HS6ST3: variants seen among roughly 807,000 people sequenced by gnomAD.
HS6ST3 encodes heparan sulfate 6-O-sulfotransferase 3, also known as heparan-sulfate 6-O-sulfotransferase 3.
Under a neutral mutation model 36.7 loss-of-function variants are expected in HS6ST3, and 12 were observed. The ratio of observed to expected loss-of-function variants is 0.33; its 90% CI spans 0.21 to 0.53. The LOEUF is 0.53. HS6ST3 is among the 20% of genes least tolerant of loss of function. The probability of loss-of-function intolerance (pLI) is 0.95; values close to 1 mark genes in which losing one functional copy is unlikely to be tolerated. For missense variants in HS6ST3, 584 were observed against 640.9 expected (o/e 0.91, Z 0.96); for synonymous variants, 240 against 257.5 (o/e 0.93, Z 0.65).
At chr13:96,239,279 A>G (rs1002293572) in intron 1 of HS6ST3, among the ~76,000 whole-genome samples, 2 of 152,232 alleles carry the variant, frequency 1.3e-5, no homozygotes, top group Non-Finnish European at 2.9e-5. Flanking sequence ...TATGAAGGTT[A>G]ATTATTTACA....
chr13:96,198,917 A>G (rs1288340010), intron 1 of HS6ST3, among the ~76,000 whole-genome samples: 1 of 152,204 alleles, frequency 6.6e-6, no homozygotes, highest in Non-Finnish European at 1.5e-5. Context: ...TTACTGTATT[A>G]GTCTGTTTTC....
At chr13:96,789,113 T>G (rs1252539514) in intron 1 of HS6ST3, among the ~76,000 whole-genome samples, 2 of 151,862 alleles carry the variant, frequency 1.3e-5, no homozygotes, top group Non-Finnish European at 2.9e-5. Flanking sequence ...TGCTCTCTGC[T>G]AGATTACTTG....
chr13:96,471,284 A>G (rs9556603), intron 1 of HS6ST3, among the ~76,000 whole-genome samples: 23,917 of 152,030 alleles, frequency 0.16, 3,135 homozygotes, highest in African/African-American at 0.33. Flanking sequence ...GCTTCTTTCT[A>G]TGTTTTAGCC....
At chr13:96,343,805 C>T (rs549301797) in intron 1 of HS6ST3, among the ~76,000 whole-genome samples, 6 of 152,204 alleles carry the variant, frequency 3.9e-5, no homozygotes, top group East Asian at 1.9e-4. Context: ...TGCAATAGTG[C>T]GATCTTGGCT....
At chr13:96,672,903 G>A (rs767135296) in intron 1 of HS6ST3, among the ~76,000 whole-genome samples, 5 of 152,194 alleles carry the variant, frequency 3.3e-5, no homozygotes, top group African/African-American at 4.8e-5. Flanking sequence ...TATTCATTTC[G>A]TCTGGTTGTT....
chr13:96,559,267 C>T (rs191028215), intron 1 of HS6ST3, among the ~76,000 whole-genome samples: 3 of 152,036 alleles, frequency 2.0e-5, no homozygotes, highest in Non-Finnish European at 4.4e-5. Flanking sequence ...TAGACGCCCC[C>T]CCCACCACAC....
At chr13:96,175,131 T>G (rs1356750149) in intron 1 of HS6ST3, among the ~76,000 whole-genome samples, 1 of 152,226 alleles carries the variant, frequency 6.6e-6, no homozygotes, top group African/African-American at 2.4e-5. Context: ...ATACTCCCTT[T>G]TTTTGAAATC....
At chr13:96,324,833 A>G (rs2055022537) in intron 1 of HS6ST3, among the ~76,000 whole-genome samples, 1 of 152,218 alleles carries the variant, frequency 6.6e-6, no homozygotes, top group Admixed American at 6.5e-5. Context: ...TCCCAGAAGG[A>G]ACCAAGATAA....
intron 1 of HS6ST3, among the ~76,000 whole-genome samples, chr13:96,328,794 A>G (rs981575634): frequency 2.0e-4 from 31 of 152,220 alleles, no homozygotes; most frequent in Admixed American, 2.0e-3. Flanking sequence ...GAATTCGGCT[A>G]TGAATCCATC....
chr13:96,510,117 TTTTATTTTATTTTATTTTA>T (rs2056043413), intron 1 of HS6ST3, among the ~76,000 whole-genome samples: 1 of 150,072 alleles, frequency 6.7e-6, no homozygotes, highest in Admixed American at 6.7e-5. Context: ...TTTTATTTTA[TTTTATTTTATTTTATTTTA>T]TTTTATTTGC....
rs143616609 is a variant in HS6ST3, at chr13:96,751,574, C to T, written c.708-80916C>T. Among the ~76,000 whole-genome samples the T allele has an allele frequency of 1.0e-3, 156 of 152,070 alleles. 2 individuals carry two copies. The East Asian group carries it at 0.023, about 23-fold the overall frequency. Reference sequence around the variant, plus strand: ...GTTTGCAGTAATTTGTTATGGCAGTCCTAGAAAACCAATATAGACAGACAG... The same window carrying T: ...GTTTGCAGTAATTTGTTATGGCAGTTCTAGAAAACCAATATAGACAGACAG... On this transcript the variant is annotated intron_variant, in intron 1 of 1. Transcript: ENST00000376705.
chr13:96,230,752 G>C (rs2054504119), intron 1 of HS6ST3, among the ~76,000 whole-genome samples: 1 of 152,130 alleles, frequency 6.6e-6, no homozygotes, highest in Non-Finnish European at 1.5e-5. Flanking sequence ...AAAGTCAAGA[G>C]AAGCTTTCTA....
Position 96,381,150 on chromosome 13 carries a change from T to A in HS6ST3, c.707+289581T>A, listed in dbSNP as rs946967741. Among the ~76,000 whole-genome samples the A allele has an allele frequency of 2.0e-5, 3 of 152,346 alleles. No individual in the cohort carries two copies. The South Asian group carries it at 6.2e-4, about 32-fold the overall frequency. ...CACATGAATTGTGTGCTGCTCTTCC[T>A]TATCCATGCTTGAGGCAATGGATAA... On this transcript the variant is annotated intron_variant, in intron 1 of 1. Coordinates refer to ENST00000376705, the MANE Select transcript of HS6ST3 (RefSeq NM_153456.4).
At chr13:96,362,987 G>A (rs1286442515) in intron 1 of HS6ST3, among the ~76,000 whole-genome samples, 1 of 152,120 alleles carries the variant, frequency 6.6e-6, no homozygotes, top group Non-Finnish European at 1.5e-5. Flanking sequence ...ATAGAGCATG[G>A]ATCAGAGGTT....
intron 1 of HS6ST3, among the ~76,000 whole-genome samples, chr13:96,565,052 A>T (rs918861387): frequency 2.6e-5 from 4 of 151,998 alleles, no homozygotes; most frequent in African/African-American, 7.2e-5. Context: ...GAAGATCTCA[A>T]ACATGGAGAG....
intron 1 of HS6ST3, among the ~76,000 whole-genome samples, chr13:96,359,649 A>G (rs2055227465): frequency 6.6e-6 from 1 of 152,138 alleles, no homozygotes; most frequent in African/African-American, 2.4e-5. Context: ...ATAGGCTTTC[A>G]GGAATGGCAC....
chr13:96,574,260 A>C (rs777547194), intron 1 of HS6ST3: 3 of 421,170 alleles, frequency 7.1e-6, no homozygotes, highest in African/African-American at 2.1e-5. Context: ...ATAGGGGTCC[A>C]TGGGATTTAA....
chr13:96,785,665 A>C (rs1877630289), intron 1 of HS6ST3, among the ~76,000 whole-genome samples: 1 of 152,124 alleles, frequency 6.6e-6, no homozygotes, highest in Non-Finnish European at 1.5e-5. Context: ...AACAACAACA[A>C]CAACAACACC....
intron 1 of HS6ST3, among the ~76,000 whole-genome samples, chr13:96,424,085 T>C (rs1594777027): frequency 6.6e-6 from 1 of 152,344 alleles, no homozygotes; most frequent in East Asian, 1.9e-4. Context: ...ATCATCTTTC[T>C]CTAGCTAGTT....
Sources: gnomAD v4.1 joint callset for allele counts (sites outside exome capture counted in the v4.1 genomes callset) on GRCh38, gnomAD v4.1.1 for gene constraint, MANE v1.5 for transcripts, NCBI Gene and HGNC (gene_info 2026-07-23, HGNC 2026-07-21) for gene names.